The following CAST variants were observed in gnomAD, a reference collection of about 807,000 sequenced individuals.
CAST encodes MIR583 host.
Under a neutral mutation model 119.6 loss-of-function variants are expected in CAST, and 76 were observed. That is an observed-to-expected ratio of 0.64 (90% CI 0.53 to 0.77). The LOEUF is 0.77. CAST is among the 30% of genes least tolerant of loss of function. The pLI is 0.00. For missense variants in CAST, 953 were observed against 946.5 expected, an observed-to-expected ratio of 1.01 and a Z score of -0.09; for synonymous variants, 319 against 331.6, an observed-to-expected ratio of 0.96 and a Z score of 0.41.
chr5:96,049,889 C>CAAAAAAAAAAAAAAAAAGA, the CAST span, among the ~76,000 whole-genome samples: 1 of 34,188 alleles, frequency 2.9e-5, no homozygotes, highest in Non-Finnish European at 5.2e-5. Context: ...GAACAGGAGG[C>CAAAAAAAAAAAAAAAAAGA]AAAAAAAAAA....
intron 16 of CAST, chr5:96,743,474 C>T: frequency 1.8e-6 from 2 of 1,085,788 alleles, no homozygotes; most frequent in South Asian, 1.7e-5. Flanking sequence ...AGGAGCCCGC[C>T]CCACCTCCAT....
chr5:96,141,064 A>C, the CAST span, among the ~76,000 whole-genome samples: 1 of 150,864 alleles, frequency 6.6e-6, no homozygotes, highest in Non-Finnish European at 1.5e-5. Flanking sequence ...GATAATCATA[A>C]ATATGTAGGA....
the CAST span, among the ~76,000 whole-genome samples, chr5:96,021,861 C>T: frequency 4.5e-4 from 69 of 152,256 alleles, no homozygotes; most frequent in African/African-American, 1.6e-3. Context: ...CTTAAGTGAT[C>T]GGATTACATA....
chr5:96,588,224 A>G (rs1223284288), intron 1 of CAST, among the ~76,000 whole-genome samples: 3 of 36,192 alleles, frequency 8.3e-5, no homozygotes, highest in Admixed American at 3.8e-4. Flanking sequence ...TTTTTTTGAG[A>G]TGGAGTCTCA....
At position 96,586,165 on chromosome 5, in the gene CAST, G is replaced by T. The variant is rs185000081; in HGVS notation, c.60+56285G>T. On this transcript the variant is annotated intron_variant, in intron 1 of 11. Coordinates refer to the CAST transcript ENST00000505143. ...GATAAGGAAGCTGAGGCTCTATGAA[G>T]TTAATTATCTTGCCCACTACTAGGT... 1.3e-4 allele frequency among the ~76,000 whole-genome samples: 20 copies of T among 152,308 alleles called. No homozygotes were observed. In the Middle Eastern group the frequency reaches 0.01, roughly 78 times the overall value.
chr5:96,410,906 G>A, the CAST span: 13 of 1,613,608 alleles, frequency 8.1e-6, no homozygotes, highest in Middle Eastern at 1.7e-4. Flanking sequence ...TGTCTGTGTA[G>A]CCATCACAGT....
the CAST span, among the ~76,000 whole-genome samples, chr5:96,037,257 T>C: frequency 6.6e-6 from 1 of 152,176 alleles, no homozygotes; most frequent in African/African-American, 2.4e-5. Flanking sequence ...GAAATACATT[T>C]CCTACCATGA....
the CAST span, among the ~76,000 whole-genome samples, chr5:96,457,086 C>T: frequency 6.6e-6 from 1 of 152,286 alleles, no homozygotes; most frequent in East Asian, 1.9e-4. Context: ...TGAGAACAGA[C>T]TAATGCTGGT....
At chr5:96,487,045 G>A in the CAST span, among the ~76,000 whole-genome samples, 1 of 152,228 alleles carries the variant, frequency 6.6e-6, no homozygotes, top group Non-Finnish European at 1.5e-5. Context: ...CCCCCATGGG[G>A]CAGTGAAGAG....
intron 1 of CAST, among the ~76,000 whole-genome samples, chr5:96,671,250 T>C (rs2150237288): frequency 6.6e-6 from 1 of 152,288 alleles, no homozygotes; most frequent in Middle Eastern, 3.4e-3. Flanking sequence ...TGAAATTCTT[T>C]ACTATGGCAT....
the CAST span, among the ~76,000 whole-genome samples, chr5:96,486,628 C>T: frequency 6.6e-6 from 1 of 152,214 alleles, no homozygotes; most frequent in South Asian, 2.1e-4. Context: ...CTACCCTCCA[C>T]TGCATCAGCA....
chr5:95,976,357 G>A, the CAST span, among the ~76,000 whole-genome samples: 1 of 151,806 alleles, frequency 6.6e-6, no homozygotes, highest in African/African-American at 2.4e-5. Context: ...TGTTAGCAAC[G>A]GGGAGTCAGA....
the CAST span, among the ~76,000 whole-genome samples, chr5:96,217,924 C>T: frequency 3.0e-4 from 45 of 152,158 alleles, no homozygotes; most frequent in South Asian, 6.6e-3. Context: ...ATTAGCTGTA[C>T]GCTTATAATA....
chr5:96,429,793 G>A, the CAST span, among the ~76,000 whole-genome samples: 1 of 152,144 alleles, frequency 6.6e-6, no homozygotes, highest in African/African-American at 2.4e-5. Context: ...ACTGATAGAG[G>A]TCTTAAGATG....
chr5:96,694,062 T>A (rs73774393), intron 2 of CAST, among the ~76,000 whole-genome samples: 2,770 of 152,196 alleles, frequency 0.018, 80 homozygotes, highest in African/African-American at 0.063. Flanking sequence ...TAAGGCAAAA[T>A]TTACCCTGAA....
At chr5:96,101,949 G>A in the CAST span, among the ~76,000 whole-genome samples, 73 of 152,308 alleles carry the variant, frequency 4.8e-4, no homozygotes, top group African/African-American at 1.7e-3. Context: ...GCACTGGCAG[G>A]AGCAGGCTTT....
chr5:96,567,154 C>T (rs908703237), intron 1 of CAST, among the ~76,000 whole-genome samples: 3 of 152,220 alleles, frequency 2.0e-5, no homozygotes, highest in African/African-American at 7.2e-5. Context: ...TTCCTCAGCA[C>T]AACACTGCCA....
At chr5:96,183,010 G>A in the CAST span, among the ~76,000 whole-genome samples, 5 of 152,060 alleles carry the variant, frequency 3.3e-5, no homozygotes, top group African/African-American at 1.2e-4. Context: ...GTGGTGGCAG[G>A]CGCCTGTAGT....
chr5:96,695,362 A>G (rs554885016), intron 2 of CAST, among the ~76,000 whole-genome samples: 3 of 152,218 alleles, frequency 2.0e-5, no homozygotes, highest in Non-Finnish European at 4.4e-5. Context: ...ATTATTATAG[A>G]TACTGTTTTC....
Sources: gnomAD v4.1 joint callset for allele counts (sites outside exome capture counted in the v4.1 genomes callset) on GRCh38, gnomAD v4.1.1 for gene constraint, MANE v1.5 for transcripts, NCBI Gene and HGNC (gene_info 2026-07-23, HGNC 2026-07-21) for gene names.